Variants in PRMT7 observed in about 807,000 individuals in gnomAD.
PRMT7 encodes protein arginine methyltransferase 7.
In PRMT7, 75 loss-of-function variants were observed where a neutral mutation model predicts 85.4. The ratio of observed to expected loss-of-function variants is 0.88; its 90% CI spans 0.73 to 1.06. The LOEUF (loss-of-function observed/expected upper bound fraction) is 1.06, where lower values mean the gene tolerates loss of function less well. Among genes scored for constraint, PRMT7 ranks in the 50% least tolerant of loss-of-function variants. The pLI, the probability that PRMT7 is intolerant of heterozygous loss-of-function variation, is 0.00. For synonymous variants in PRMT7, 397 were observed against 359.5 expected (o/e 1.10, Z -1.18); for missense variants, 868 against 915.2 (o/e 0.95, Z 0.67).
intron 15 of PRMT7, 141 bp downstream of exon 15, chr16:68,352,550 C>T (rs1838604604): frequency 2.7e-6 from 2 of 743,360 alleles, no homozygotes; most frequent in Non-Finnish European, 4.0e-6. Context: ...TGTCAGCACA[C>T]TGTGGGGTTG....
chr16:68,321,228 C>T (rs982049332), intron 3 of PRMT7, among the ~76,000 whole-genome samples, 198 bp from the exon 4 acceptor site: 1 of 151,756 alleles, frequency 6.6e-6, no homozygotes, highest in Non-Finnish European at 1.5e-5. Flanking sequence ...GAGATTGCAC[C>T]ACTGTACTCC....
intron 4 of PRMT7, among the ~76,000 whole-genome samples, chr16:68,323,221 CT>C (rs201213218): frequency 2.7e-4 from 39 of 142,772 alleles, no homozygotes; most frequent in Non-Finnish European, 2.3e-4. Context: ...TTCTTTCTTT[CT>C]TTTTTTTTTT....
chr16:68,327,224 A>C (rs1483317888), intron 5 of PRMT7, among the ~76,000 whole-genome samples: 2 of 152,240 alleles, frequency 1.3e-5, no homozygotes, highest in South Asian at 4.1e-4. Flanking sequence ...AAAAGGATTT[A>C]GAAAAAAGGA....
intron 14 of PRMT7, 40 bp downstream of exon 14, chr16:68,348,471 A>T: frequency 1.3e-6 from 2 of 1,526,224 alleles, no homozygotes; most frequent in South Asian, 1.1e-5. Context: ...GGGCTGTGTT[A>T]GGGTGGTCAG....
intron 5 of PRMT7, among the ~76,000 whole-genome samples, chr16:68,326,135 A>T (rs1254839562): frequency 6.6e-6 from 1 of 152,212 alleles, no homozygotes; most frequent in Non-Finnish European, 1.5e-5. Context: ...AAAGTTAAGT[A>T]CTGTTAACAT....
At chr16:68,345,823 G>T (rs776226446) in intron 10 of PRMT7, 21 bp downstream of exon 10, 1 of 1,613,442 alleles carries the variant, frequency 6.2e-7, no homozygotes, top group Non-Finnish European at 8.5e-7. Context: ...CCTCGTGGGG[G>T]TGGAGGATGA....
At chr16:68,353,644 C>A in intron 16 of PRMT7, 78 bp downstream of exon 16, 1 of 1,371,260 alleles carries the variant, frequency 7.3e-7, no homozygotes, top group Non-Finnish European at 9.8e-7. Context: ...CCAGCTTGGG[C>A]AGCACAGGCT....
chr16:68,346,368 G>A (rs373794528), intron 11 of PRMT7, 88 bp downstream of exon 11: 24 of 1,579,370 alleles, frequency 1.5e-5, no homozygotes, highest in Non-Finnish European at 1.9e-5. Flanking sequence ...ATGATTTGCT[G>A]TTTCTTTCCT....
intron 4 of PRMT7, among the ~76,000 whole-genome samples, chr16:68,321,978 C>T (rs1157085407): frequency 5.3e-5 from 8 of 150,638 alleles, no homozygotes; most frequent in Non-Finnish European, 1.0e-4. Context: ...GACAGAATCT[C>T]GCTCTGTCAC....
rs969632387 is a variant in PRMT7 at position 68,355,842 on chromosome 16, C to T, written c.1770C>T (p.Pro590=). Residue 590 remains proline, a synonymous_variant, in exon 17 of 19, where the codon CCC becomes CCT. Coordinates refer to ENST00000441236, the MANE Select transcript of PRMT7 (RefSeq NM_019023.5). ...CCTTTGACTTCCAGCAGCCGGTGCC[C>T]CTGCAGCCCCTGTGTGCCGAGGGCA... ...ILTFDFQQPV[P]LQPLCAEGTV... is the part of the protein sequence containing the mutation. The T allele has an allele frequency of 3.7e-6, 6 of 1,608,484 alleles. No homozygotes were observed. In the African/African-American group the frequency reaches 5.3e-5, roughly 14 times the overall value.
chr16:68,327,404 G>C (rs1003023299), intron 5 of PRMT7, among the ~76,000 whole-genome samples: 2 of 152,128 alleles, frequency 1.3e-5, no homozygotes, highest in Admixed American at 6.6e-5. Flanking sequence ...AGGGAAACTC[G>C]AAGAGTTCAG....
chr16:68,348,338 T>TA lies in PRMT7; in HGVS notation c.1324-2dup, dbSNP rs2086720096. On this transcript the variant is annotated splice_region_variant and splice_polypyrimidine_tract_variant and intron_variant, in intron 13 of 18. Coordinates refer to ENST00000441236, the MANE Select transcript of PRMT7 (RefSeq NM_019023.5). Reference sequence around the variant, plus strand: ...TACAGTAATTTTACGGTTTTCTTTCTAAGATCTTCAAGGCTAACCACTTGG... The same window carrying TA: ...TACAGTAATTTTACGGTTTTCTTTCTAAAGATCTTCAAGGCTAACCACTTGG... 1 of 1,591,842 alleles carries TA rather than the reference T, an allele frequency of 6.3e-7. No individual in the cohort carries two copies. Among genetic ancestry groups the TA allele is most frequent in the Admixed American group, 1.7e-5 (1 of 59,524 alleles).
intron 4 of PRMT7, among the ~76,000 whole-genome samples, chr16:68,321,979 G>T (rs1206916920): frequency 2.7e-5 from 4 of 148,814 alleles, no homozygotes; most frequent in South Asian, 4.2e-4. Flanking sequence ...ACAGAATCTC[G>T]CTCTGTCACT....
At chr16:68,342,475 T>G (rs2085687720) in intron 9 of PRMT7, among the ~76,000 whole-genome samples, 1 of 152,178 alleles carries the variant, frequency 6.6e-6, no homozygotes, top group African/African-American at 2.4e-5. Flanking sequence ...AAATAGAACC[T>G]GTCTCTACCC....
chr16:68,343,393 C>G (rs2085847201), intron 9 of PRMT7, among the ~76,000 whole-genome samples: 1 of 152,132 alleles, frequency 6.6e-6, no homozygotes, highest in South Asian at 2.1e-4. Context: ...TGCCCCTGGT[C>G]TCTTGACTGT....
intron 9 of PRMT7, among the ~76,000 whole-genome samples, chr16:68,344,933 T>TACACACACACACACACATAC (rs1555563399): frequency 1.2e-4 from 16 of 131,122 alleles, no homozygotes; most frequent in East Asian, 2.2e-4. Context: ...CCTGCATCTC[T>TACACACACACACACACATAC]ACACACACAC....
At position 68,357,045 on chromosome 16, in the gene PRMT7, T is replaced by C. The variant is rs1312814511; in HGVS notation, c.1909-9T>C. On this transcript the variant is annotated splice_polypyrimidine_tract_variant and intron_variant, in intron 18 of 18. Transcript: ENST00000441236. Reference sequence around the variant, plus strand: ...AGCCCTCACCATCTTCCTGCTCTTCTTCCTACAGGGGGGCTGCTGCTGGAA... The same window carrying C: ...AGCCCTCACCATCTTCCTGCTCTTCCTCCTACAGGGGGGCTGCTGCTGGAA... 2 of 1,598,536 alleles carry C rather than the reference T, an allele frequency of 1.3e-6. No homozygotes were observed. The highest frequency in any genetic ancestry group is 2.2e-5 in the East Asian group (1 of 44,764).
intron 9 of PRMT7, 83 bp downstream of exon 9, chr16:68,340,051 C>A (rs9928605): frequency 7.2e-7 from 1 of 1,380,534 alleles, no homozygotes; most frequent in Admixed American, 2.8e-5. Flanking sequence ...GAGCCTTGGA[C>A]CCAGGAGAAT....
chr16:68,351,091 A>G (rs1218776301), intron 14 of PRMT7, among the ~76,000 whole-genome samples: 4 of 152,174 alleles, frequency 2.6e-5, no homozygotes, highest in Non-Finnish European at 4.4e-5. Context: ...TCTGAAAGCC[A>G]CTGTGTGGTG....
Sources: allele counts gnomAD v4.1 joint callset (sites outside exome capture counted in the v4.1 genomes callset), GRCh38; gene constraint gnomAD v4.1.1; transcripts MANE v1.5; gene names NCBI Gene and HGNC (gene_info 2026-07-23, HGNC 2026-07-21).